ATOSA: variants seen among roughly 807,000 people sequenced by gnomAD.
ATOSA encodes the protein atos homolog protein A.
chr15:52,641,119 T>C, the ATOSA span, among the ~76,000 whole-genome samples: 2 of 152,244 alleles, frequency 1.3e-5, no homozygotes, highest in African/African-American at 4.8e-5. Flanking sequence ...CAGGCGTTTA[T>C]AAGAACTGCA....
the ATOSA span, chr15:52,587,073 C>T: frequency 6.3e-7 from 1 of 1,595,896 alleles, no homozygotes; most frequent in Non-Finnish European, 8.5e-7. Context: ...GTTGCAGCAG[C>T]AGTAGCAGGA....
At chr15:52,603,581 C>A in the ATOSA span, among the ~76,000 whole-genome samples, 1 of 123,232 alleles carries the variant, frequency 8.1e-6, no homozygotes, top group African/African-American at 3.1e-5. Flanking sequence ...ATGGAAGCAA[C>A]CTAAGTGTCC....
At chr15:52,658,663 C>A in the ATOSA span, 1 of 397,748 alleles carries the variant, frequency 2.5e-6, no homozygotes, top group East Asian at 3.6e-5. Context: ...GAGACCACCA[C>A]AAACAGAAAG....
At chr15:52,597,055 C>A in the ATOSA span, among the ~76,000 whole-genome samples, 1 of 152,188 alleles carries the variant, frequency 6.6e-6, no homozygotes, top group Non-Finnish European at 1.5e-5. Context: ...TGTGGAAGAA[C>A]TAGAACTCTC....
the ATOSA span, chr15:52,656,937 CTA>C: frequency 6.6e-6 from 1 of 151,994 alleles, no homozygotes; most frequent in Non-Finnish European, 1.5e-5. Flanking sequence ...ACAAAGAATG[CTA>C]TGTTTGATTC....
At chr15:52,692,748 C>T in the ATOSA span, among the ~76,000 whole-genome samples, 6 of 152,124 alleles carry the variant, frequency 3.9e-5, no homozygotes, top group South Asian at 2.1e-4. Context: ...CAGTCTGGAA[C>T]CCCTGGACTC....
chr15:52,651,914 T>C, the ATOSA span: 29 of 1,535,502 alleles, frequency 1.9e-5, no homozygotes, highest in Admixed American at 1.8e-4. Context: ...CATACTGGAA[T>C]CCTTGTATAA....
At chr15:52,618,692 CTTCT>C in the ATOSA span, among the ~76,000 whole-genome samples, 4 of 152,136 alleles carry the variant, frequency 2.6e-5, no homozygotes, top group African/African-American at 4.8e-5. Flanking sequence ...TCTTCTTCTT[CTTCT>C]TTTTTAGAGA....
chr15:52,610,395 C>T, the ATOSA span: 1 of 1,585,918 alleles, frequency 6.3e-7, no homozygotes, highest in Admixed American at 1.8e-5. Flanking sequence ...TAGAATCACA[C>T]AGAAAAATAC....
the ATOSA span, among the ~76,000 whole-genome samples, chr15:52,639,108 G>A: frequency 6.7e-6 from 1 of 148,368 alleles, no homozygotes; most frequent in Non-Finnish European, 1.5e-5. Flanking sequence ...AAGTCCACCC[G>A]AATAGGCTTA....
the ATOSA span, among the ~76,000 whole-genome samples, chr15:52,634,749 A>G: frequency 6.6e-6 from 1 of 151,892 alleles, no homozygotes; most frequent in Admixed American, 6.6e-5. Context: ...TTACAGGCAC[A>G]TGCCACCATG....
the ATOSA span, chr15:52,610,433 C>A: frequency 5.3e-6 from 8 of 1,510,302 alleles, no homozygotes; most frequent in Admixed American, 8.5e-5. Flanking sequence ...AAGGTTAGAT[C>A]CTTATTATTG....
At chr15:52,629,026 G>A in the ATOSA span, among the ~76,000 whole-genome samples, 27 of 152,168 alleles carry the variant, frequency 1.8e-4, no homozygotes, top group African/African-American at 3.9e-4. Context: ...TCTTGCCCTC[G>A]CCAATTCAAA....
At chr15:52,582,291 A>T in the ATOSA span, 238 of 1,579,262 alleles carry the variant, frequency 1.5e-4, 1 homozygote, top group East Asian at 5.1e-3. Flanking sequence ...ATCTTTCCAG[A>T]TTTAGAACTC....
At chr15:52,692,940 C>T in the ATOSA span, among the ~76,000 whole-genome samples, 1 of 152,048 alleles carries the variant, frequency 6.6e-6, no homozygotes, top group Non-Finnish European at 1.5e-5. Context: ...CATGAGCCAC[C>T]ACGCCTGGCA....
chr15:52,639,700 A>C, the ATOSA span, among the ~76,000 whole-genome samples: 3 of 152,206 alleles, frequency 2.0e-5, no homozygotes, highest in Non-Finnish European at 4.4e-5. Flanking sequence ...TTATAATGCT[A>C]TAATAATAGC....
At chr15:52,670,089 G>T in the ATOSA span, among the ~76,000 whole-genome samples, 1 of 152,162 alleles carries the variant, frequency 6.6e-6, no homozygotes, top group South Asian at 2.1e-4. Flanking sequence ...CATTGCATTT[G>T]CATTAAAGAT....
chr15:52,692,733 C>T, the ATOSA span, among the ~76,000 whole-genome samples: 1 of 152,226 alleles, frequency 6.6e-6, no homozygotes, highest in Non-Finnish European at 1.5e-5. Context: ...TAATCAGGCT[C>T]ACTGCAGTCT....
chr15:52,677,269 T>C, the ATOSA span, among the ~76,000 whole-genome samples: 1 of 152,240 alleles, frequency 6.6e-6, no homozygotes. Context: ...ACAATGTTCC[T>C]TGGAATCAAA....
Sources: allele counts gnomAD v4.1 joint callset (sites outside exome capture counted in the v4.1 genomes callset), GRCh38; gene constraint gnomAD v4.1.1; transcripts MANE v1.5; gene names NCBI Gene and HGNC (gene_info 2026-07-23, HGNC 2026-07-21).